The following PI4KA variants were observed in gnomAD, a reference collection of about 807,000 sequenced individuals.
The protein encoded by PI4KA is PI4-kinase alpha.
In PI4KA, 122 loss-of-function variants were observed where a neutral mutation model predicts 271.4. The observed-to-expected ratio is 0.45, with a 90% CI of 0.39 to 0.52. The LOEUF is 0.52. Ranked by LOEUF, PI4KA falls within the 20% of genes least tolerant of loss-of-function variation. The probability of loss-of-function intolerance (pLI) is 0.00; values close to 1 mark genes in which losing one functional copy is unlikely to be tolerated. For synonymous variants in PI4KA, 1,041 were observed against 1,078.8 expected (o/e 0.96, Z 0.69); for missense variants, 1,969 against 2,769.1 (o/e 0.71, Z 6.48).
At chr22:20,822,786 A>G (rs879618124) in intron 4 of PI4KA, among the ~76,000 whole-genome samples, 7 of 152,186 alleles carry the variant, frequency 4.6e-5, no homozygotes, top group Admixed American at 4.6e-4. Flanking sequence ...TTCTTAGAAA[A>G]CCCAGGCAAA....
At chr22:20,790,311 C>A (rs1569036982) in intron 19 of PI4KA, among the ~76,000 whole-genome samples, 1 of 152,068 alleles carries the variant, frequency 6.6e-6, no homozygotes, top group Non-Finnish European at 1.5e-5. Flanking sequence ...ACTGTGTCAT[C>A]AAAGGTCACA....
chr22:20,846,715 C>T lies in PI4KA; in HGVS notation c.157-7984G>A, dbSNP rs949226616. Among the ~76,000 whole-genome samples, 3 of 150,898 alleles carry T rather than the reference C, an allele frequency of 2.0e-5. No individual in the cohort carries two copies. In the Admixed American group the frequency reaches 2.0e-4, roughly 10 times the overall value. On this transcript the variant is annotated intron_variant, in intron 1 of 54. Transcript: ENST00000255882. ...AAAATTAGCCAGGCGTGGGGGCAAG[C>T]GTCTGTAGTCCCAGCTAATCAGGAG...
intron 18 of PI4KA, 109 bp from the exon 19 acceptor site, chr22:20,793,352 AAGAGAAATGATGAGAGAT>A: frequency 1.5e-6 from 1 of 661,070 alleles, no homozygotes; most frequent in Non-Finnish European, 2.7e-6. Context: ...GTCTTAATCT[AAGAGAAATGATGAGAGAT>A]ATGCAGAGAG....
chr22:20,805,748 C>T (rs1475964026), intron 10 of PI4KA, among the ~76,000 whole-genome samples: 1 of 150,324 alleles, frequency 6.7e-6, no homozygotes. Context: ...AGGAGAATGG[C>T]GTCAACCCGG....
intron 23 of PI4KA, among the ~76,000 whole-genome samples, chr22:20,758,088 G>A (rs993265729): frequency 4.6e-5 from 7 of 152,026 alleles, no homozygotes; most frequent in African/African-American, 7.2e-5. Context: ...ATTCTGGGCC[G>A]GGCGCAGTGG....
chr22:20,713,107 A>G (rs1601311836), intron 48 of PI4KA, 174 bp downstream of exon 48: 1 of 693,276 alleles, frequency 1.4e-6, no homozygotes, highest in South Asian at 1.8e-5. Flanking sequence ...AAGGGGCTGG[A>G]AGGAGAGGCC....
chr22:20,781,986 T>C (rs1933837724), intron 19 of PI4KA, among the ~76,000 whole-genome samples: 2 of 152,242 alleles, frequency 1.3e-5, no homozygotes, highest in African/African-American at 4.8e-5. Flanking sequence ...TTTGAGGGAA[T>C]GAAACTGTAG....
chr22:20,760,992 C>G (rs1189769188), intron 23 of PI4KA, among the ~76,000 whole-genome samples: 1 of 152,212 alleles, frequency 6.6e-6, no homozygotes, highest in African/African-American at 2.4e-5. Context: ...TGACTGCTCT[C>G]TGGCAACAGC....
chr22:20,719,142 C>T (rs1601326235), intron 43 of PI4KA, among the ~76,000 whole-genome samples: 1 of 151,978 alleles, frequency 6.6e-6, no homozygotes, highest in Non-Finnish European at 1.5e-5. Context: ...GCATAGAATC[C>T]TCACTGCTGC....
At chr22:20,823,097 A>C (rs1216854022) in intron 4 of PI4KA, among the ~76,000 whole-genome samples, 1 of 152,002 alleles carries the variant, frequency 6.6e-6, no homozygotes, top group African/African-American at 2.4e-5. Context: ...TATTTTTAGT[A>C]GAGATGGGGT....
At chr22:20,709,732 G>A (rs1201813600) in intron 53 of PI4KA, among the ~76,000 whole-genome samples, 176 bp downstream of exon 53, 2 of 123,664 alleles carry the variant, frequency 1.6e-5, no homozygotes, top group Non-Finnish European at 3.4e-5. Context: ...ACAAGCAGGG[G>A]CCCCTCACAG....
chr22:20,810,207 ATTAAAGACAAGAG>A (rs1935913287), intron 9 of PI4KA, among the ~76,000 whole-genome samples: 1 of 152,136 alleles, frequency 6.6e-6, no homozygotes, highest in African/African-American at 2.4e-5. Flanking sequence ...TTCCAAATAC[ATTAAAGACAAGAG>A]TTCCAGCCGG....
intron 19 of PI4KA, chr22:20,786,223 C>T (rs887855919): frequency 1.0e-5 from 15 of 1,497,820 alleles, no homozygotes; most frequent in Non-Finnish European, 1.2e-5. Flanking sequence ...ACTTGCCCTT[C>T]CTACCCACCC....
chr22:20,747,870 G>A (rs916716546), intron 28 of PI4KA, among the ~76,000 whole-genome samples, 168 bp from the exon 29 acceptor site: 1 of 152,042 alleles, frequency 6.6e-6, no homozygotes, highest in Non-Finnish European at 1.5e-5. Context: ...AAGTAGCTGG[G>A]ACTATAGGGG....
At chr22:20,745,507 A>G (rs2147299455) in intron 29 of PI4KA, among the ~76,000 whole-genome samples, 1 of 152,322 alleles carries the variant, frequency 6.6e-6, no homozygotes, top group South Asian at 2.1e-4. Context: ...GGTGTGGAGA[A>G]AGAGGACCAG....
At chr22:20,811,571 G>C (rs1921007181) in intron 8 of PI4KA, among the ~76,000 whole-genome samples, 1 of 139,924 alleles carries the variant, frequency 7.1e-6, no homozygotes, top group Non-Finnish European at 1.5e-5. Flanking sequence ...ACAGTATTTA[G>C]TGTAGGAATG....
intron 10 of PI4KA, 120 bp from the exon 11 acceptor site, chr22:20,805,285 C>CTTT: frequency 1.4e-6 from 1 of 690,068 alleles, no homozygotes; most frequent in Non-Finnish European, 2.4e-6. Context: ...GCATTTGCTA[C>CTTT]TGGCCACTGT....
rs1924696445 is a variant in PI4KA at position 20,707,850 on chromosome 22, CATTG to C, written c.*193_*196del. 10 of 683,024 alleles carry C rather than the reference CATTG, an allele frequency of 1.5e-5. No individual in the cohort carries two copies. The highest frequency in any genetic ancestry group is 5.2e-5 in the East Asian group (2 of 38,590). 42.3% of individuals were successfully genotyped at this position (683,024 alleles called of 1,614,324 possible). On this transcript the variant is annotated 3_prime_UTR_variant, in exon 55 of 55. Transcript: ENST00000255882. ...ACACCTGTGCATAGACAGCACCATC[CATTG>C]ATTGTCGCTGCAGTCCATGGCGTTA...
chr22:20,727,956 C>A, intron 39 of PI4KA, 92 bp from the exon 40 acceptor site: 1 of 880,058 alleles, frequency 1.1e-6, no homozygotes, highest in Non-Finnish European at 1.8e-6. Context: ...GGGGGAAACA[C>A]TGAACTGGAG....
Sources: allele counts gnomAD v4.1 joint callset (sites outside exome capture counted in the v4.1 genomes callset), GRCh38; gene constraint gnomAD v4.1.1; transcripts MANE v1.5; gene names NCBI Gene and HGNC (gene_info 2026-07-23, HGNC 2026-07-21).